The following STON2 variants were observed in gnomAD, a reference collection of about 807,000 sequenced individuals.
STON2 encodes stonin 2.
STON2 carries 29 observed loss-of-function variants against 65.7 expected under a neutral mutation model. The observed-to-expected ratio is 0.44, with a 90% confidence interval of 0.33 to 0.60. STON2 has a LOEUF of 0.60. STON2 is among the 20% of genes least tolerant of loss of function. The pLI, the probability that STON2 is intolerant of heterozygous loss-of-function variation, is 0.03. For synonymous variants in STON2, 404 were observed against 414.2 expected (o/e 0.98, Z 0.30); for missense variants, 1,054 against 1,118.1 (o/e 0.94, Z 0.82).
intron 3 of STON2, among the ~76,000 whole-genome samples, chr14:81,377,319 C>T (rs1899299864): frequency 6.6e-6 from 1 of 152,152 alleles, no homozygotes; most frequent in African/African-American, 2.4e-5. Context: ...CTTTGAGCTT[C>T]ATCTGAGTTG....
chr14:81,430,296 C>T (rs1902175808), intron 1 of STON2, among the ~76,000 whole-genome samples: 1 of 152,308 alleles, frequency 6.6e-6, no homozygotes, highest in Admixed American at 6.5e-5. Flanking sequence ...TGTCTTTTCT[C>T]TCTCAGCATA....
At chr14:81,357,850 G>A (rs1365520182) in intron 4 of STON2, among the ~76,000 whole-genome samples, 1 of 139,446 alleles carries the variant, frequency 7.2e-6, no homozygotes, top group Non-Finnish European at 1.5e-5. Flanking sequence ...AGAACACGTG[G>A]ACACAGGAAG....
chr14:81,365,556 G>A (rs1213470359), intron 4 of STON2, among the ~76,000 whole-genome samples: 1 of 152,068 alleles, frequency 6.6e-6, no homozygotes, highest in African/African-American at 2.4e-5. Context: ...AGGAGTTCGA[G>A]ACCAAACTGT....
chr14:81,340,859 T>C (rs1369308264), intron 4 of STON2, among the ~76,000 whole-genome samples: 2 of 151,370 alleles, frequency 1.3e-5, no homozygotes, highest in African/African-American at 2.4e-5. Flanking sequence ...TTAATATATA[T>C]CAATATATAC....
intron 6 of STON2, among the ~76,000 whole-genome samples, chr14:81,274,420 C>T (rs1894723804): frequency 6.6e-6 from 1 of 152,158 alleles, no homozygotes; most frequent in Admixed American, 6.5e-5. Flanking sequence ...GCCCTTGAGG[C>T]AACAGAACAC....
chr14:81,268,711 G>C (rs1894454774), intron 7 of STON2: 1 of 880,198 alleles, frequency 1.1e-6, no homozygotes, highest in Non-Finnish European at 1.4e-6. Context: ...TTTCCCTCAT[G>C]GTCCACCAGG....
intron 4 of STON2, among the ~76,000 whole-genome samples, chr14:81,354,227 C>G (rs1276952990): frequency 5.3e-5 from 8 of 152,212 alleles, no homozygotes; most frequent in Non-Finnish European, 1.0e-4. Flanking sequence ...AGCCAGTGGT[C>G]TTACCAGATA....
At chr14:81,407,146 G>C (rs1595453166) in intron 2 of STON2, among the ~76,000 whole-genome samples, 1 of 152,282 alleles carries the variant, frequency 6.6e-6, no homozygotes, top group African/African-American at 2.4e-5. Context: ...AGATGTTGCT[G>C]TTTTGTGGTT....
chr14:81,328,441 T>G lies in STON2; in HGVS notation c.572-4254A>C, dbSNP rs75066496. On this transcript the variant is annotated intron_variant, in intron 4 of 7. Coordinates refer to ENST00000614646, the MANE Select transcript of STON2 (RefSeq NM_001394390.1). The stretch of plus-strand genomic sequence containing the variant: ...GGTAACCCAGGGTTGAGGAGCAGAA[T>G]CAACTCAACTATATCTACAGAGAGG... 9.5e-3 allele frequency among the ~76,000 whole-genome samples: 1,451 copies of G among 152,286 alleles called. 36 individuals are homozygous for G. Among genetic ancestry groups the G allele is most frequent in the African/African-American group, 0.033 (1,375 of 41,548 alleles).
chr14:81,335,236 T>A (rs951502029), intron 4 of STON2, among the ~76,000 whole-genome samples: 1 of 152,060 alleles, frequency 6.6e-6, no homozygotes, highest in African/African-American at 2.4e-5. Context: ...TGACCAGTGA[T>A]AGTCTCAAAA....
chr14:81,343,215 T>C (rs891865429), intron 4 of STON2, among the ~76,000 whole-genome samples: 2 of 152,294 alleles, frequency 1.3e-5, no homozygotes, highest in East Asian at 1.9e-4. Context: ...TGGATTGATA[T>C]ATGCCAAAGT....
At chr14:81,272,764 TATCA>T (rs1160914239) in intron 6 of STON2, among the ~76,000 whole-genome samples, 51 of 152,366 alleles carry the variant, frequency 3.3e-4, no homozygotes, top group African/African-American at 1.1e-3. Flanking sequence ...ATTATACAGC[TATCA>T]TTTATGGGAC....
chr14:81,429,632 C>T (rs1470025266), intron 1 of STON2, among the ~76,000 whole-genome samples: 2 of 152,236 alleles, frequency 1.3e-5, no homozygotes, highest in Middle Eastern at 3.4e-3. Context: ...CAAGAAAGGA[C>T]AGCTTTAAGA....
intron 6 of STON2, among the ~76,000 whole-genome samples, chr14:81,275,477 C>A (rs1199535613): frequency 6.6e-6 from 1 of 152,034 alleles, no homozygotes; most frequent in Non-Finnish European, 1.5e-5. Flanking sequence ...CCAAGGGCTT[C>A]CGTGTCAAAG....
chr14:81,312,940 C>G lies in STON2; in HGVS notation c.742+11077G>C, dbSNP rs562631556. Among the ~76,000 whole-genome samples, 32 of 152,288 alleles carry G rather than the reference C, an allele frequency of 2.1e-4. No homozygotes were observed. In the South Asian group the frequency reaches 6.6e-3, roughly 32 times the overall value. On this transcript the variant is annotated intron_variant, in intron 5 of 7. Coordinates refer to ENST00000614646, the MANE Select transcript of STON2 (RefSeq NM_001394390.1). ...GAAACACGTCCTTGCTTGTAAGGCT[C>G]GGCAGTCAAAAAAGAAGGACCCTTA...
Position 81,261,556 on chromosome 14 carries a change from T to C in STON2, c.*6858A>G. The stretch of plus-strand genomic sequence containing the variant: ...GACAACGAGGATACAGAGGGGACTG[T>C]CCCTTTTCTCTCATCTGGTTTTGCC... On this transcript the variant is annotated 3_prime_UTR_variant, in exon 8 of 8. Coordinates refer to ENST00000614646, the MANE Select transcript of STON2 (RefSeq NM_001394390.1). 2.6e-6 allele frequency: 1 copy of C among 390,646 alleles called. No individual in the cohort carries two copies. Among genetic ancestry groups the C allele is most frequent in the Non-Finnish European group, 4.4e-6 (1 of 226,150 alleles). The allele number at this position is 390,646 out of a possible 1,614,324, so 24.2% of individuals were successfully genotyped here.
chr14:81,339,041 G>A (rs1477256214), intron 4 of STON2, among the ~76,000 whole-genome samples: 1 of 151,908 alleles, frequency 6.6e-6, no homozygotes, highest in East Asian at 1.9e-4. Context: ...GGATGAAGAG[G>A]ACATTCGATA....
chr14:81,342,089 T>C (rs971754647), intron 4 of STON2, among the ~76,000 whole-genome samples: 3 of 152,200 alleles, frequency 2.0e-5, no homozygotes, highest in African/African-American at 7.2e-5. Flanking sequence ...TTATGTGTTA[T>C]ACTCCTTGAC....
chr14:81,427,573 T>G (rs1242730819), intron 1 of STON2, among the ~76,000 whole-genome samples: 1 of 152,108 alleles, frequency 6.6e-6, no homozygotes, highest in Non-Finnish European at 1.5e-5. Flanking sequence ...GCTGGCTGTG[T>G]TGCAGACAGC....
Sources: allele counts gnomAD v4.1 joint callset (sites outside exome capture counted in the v4.1 genomes callset), GRCh38; gene constraint gnomAD v4.1.1; transcripts MANE v1.5; gene names NCBI Gene and HGNC (gene_info 2026-07-23, HGNC 2026-07-21).